The following ICOS variants were observed in gnomAD, a reference collection of about 807,000 sequenced individuals.
The protein encoded by ICOS is inducible T cell costimulator, also known as inducible T-cell costimulator.
ICOS carries 15 observed loss-of-function variants against 24.6 expected under a neutral mutation model. The ratio of observed to expected loss-of-function variants is 0.61; its 90% CI spans 0.41 to 0.94. The LOEUF is 0.94. Among genes scored for constraint, ICOS ranks in the 40% least tolerant of loss-of-function variants. ICOS has a pLI of 0.00. For synonymous variants in ICOS, 89 were observed against 77.5 expected (o/e 1.15, Z -0.78); for missense variants, 200 against 233.0 (o/e 0.86, Z 0.92).
Position 203,959,733 on chromosome 2 carries a change from T to C in ICOS, c.*134T>C. The C allele has an allele frequency of 1.2e-6, 1 of 832,816 alleles. No homozygotes were observed. Among genetic ancestry groups the C allele is most frequent in the South Asian group, 1.4e-5 (1 of 72,024 alleles). 51.6% of individuals were successfully genotyped at this position (832,816 alleles called of 1,614,324 possible). On this transcript the variant is annotated 3_prime_UTR_variant, in exon 5 of 5. Coordinates refer to ENST00000316386, the MANE Select transcript of ICOS (RefSeq NM_012092.4). ...CATCTTCTGCTGGTGTTTTGTTCAATCTGGAAGAATGACTGTATCAGTCAA... is the reference window on the plus strand; with the variant it reads ...CATCTTCTGCTGGTGTTTTGTTCAACCTGGAAGAATGACTGTATCAGTCAA...
At chr2:203,940,853 G>A (rs1196109263) in intron 1 of ICOS, among the ~76,000 whole-genome samples, 2 of 151,800 alleles carry the variant, frequency 1.3e-5, no homozygotes, top group African/African-American at 4.8e-5. Context: ...GCGCAATCTC[G>A]GCTTACTGCA....
At chr2:203,948,752 G>T (rs1274064138) in intron 1 of ICOS, among the ~76,000 whole-genome samples, 3 of 152,212 alleles carry the variant, frequency 2.0e-5, no homozygotes, top group Non-Finnish European at 4.4e-5. Context: ...TGGGTGGCCA[G>T]TGGTCACTGA....
intron 1 of ICOS, among the ~76,000 whole-genome samples, chr2:203,938,298 C>G (rs1249179511): frequency 1.3e-5 from 2 of 152,116 alleles, no homozygotes; most frequent in Non-Finnish European, 2.9e-5. Context: ...GACAAGGTAG[C>G]AATCAATGGG....
At chr2:203,945,458 T>C (rs1391318091) in intron 1 of ICOS, among the ~76,000 whole-genome samples, 1 of 152,178 alleles carries the variant, frequency 6.6e-6, no homozygotes, top group Non-Finnish European at 1.5e-5. Flanking sequence ...ACGTGCCACT[T>C]GACGATGGGA....
At chr2:203,943,991 T>A (rs1263529210) in intron 1 of ICOS, among the ~76,000 whole-genome samples, 1 of 152,152 alleles carries the variant, frequency 6.6e-6, no homozygotes, top group Non-Finnish European at 1.5e-5. Flanking sequence ...ACTCTAATCA[T>A]GCCTCCTCTA....
intron 1 of ICOS, among the ~76,000 whole-genome samples, chr2:203,938,673 G>C (rs1689709185): frequency 6.6e-6 from 1 of 152,210 alleles, no homozygotes; most frequent in Non-Finnish European, 1.5e-5. Context: ...TTATGCTCAG[G>C]AGAATTAAAG....
chr2:203,954,837 AATATAC>A (rs745791997), intron 1 of ICOS, among the ~76,000 whole-genome samples: 328 of 149,572 alleles, frequency 2.2e-3, no homozygotes, highest in Admixed American at 6.8e-3. Context: ...TATATATTGT[AATATAC>A]ATATACATAT....
intron 1 of ICOS, among the ~76,000 whole-genome samples, chr2:203,945,866 A>C (rs527408188): frequency 6.6e-6 from 1 of 152,310 alleles, no homozygotes; most frequent in South Asian, 2.1e-4. Flanking sequence ...ATTTGGAAAC[A>C]AGGAACTAGA....
rs544960660 is a variant in ICOS at position 203,956,392 on chromosome 2, A to G, written c.395-267A>G. Among the ~76,000 whole-genome samples the G allele has an allele frequency of 3.9e-5, 6 of 152,256 alleles. No individual in the cohort carries two copies. The East Asian group carries it at 1.2e-3, about 29-fold the overall frequency. The stretch of plus-strand genomic sequence containing the variant: ...ATAGTTTTATAACATTACTTTTACT[A>G]TTACCTCTTTTATAAAAATATAGGC... On this transcript the variant is annotated intron_variant, in intron 2 of 4. Coordinates refer to ENST00000316386, the MANE Select transcript of ICOS (RefSeq NM_012092.4).
chr2:203,941,031 A>ACCTCCGCCTCCG (rs776792495), intron 1 of ICOS, among the ~76,000 whole-genome samples: 2,663 of 151,780 alleles, frequency 0.018, 38 homozygotes, highest in Non-Finnish European at 0.026. Flanking sequence ...TGATCCGCCC[A>ACCTCCGCCTCCG]CCTCCGCCTC....
At chr2:203,947,702 T>C (rs1377684707) in intron 1 of ICOS, among the ~76,000 whole-genome samples, 1 of 152,166 alleles carries the variant, frequency 6.6e-6, no homozygotes, top group Non-Finnish European at 1.5e-5. Flanking sequence ...GAAGAAAATA[T>C]AGTACCTGTT....
chr2:203,949,568 A>T (rs11675106), intron 1 of ICOS, among the ~76,000 whole-genome samples: 2,249 of 152,348 alleles, frequency 0.015, 21 homozygotes, highest in Non-Finnish European at 0.022. Context: ...TGCCTGAAAC[A>T]TGAAGTGTTG....
chr2:203,947,506 A>C (rs1166467171), intron 1 of ICOS, among the ~76,000 whole-genome samples: 1 of 151,990 alleles, frequency 6.6e-6, no homozygotes, highest in African/African-American at 2.4e-5. Flanking sequence ...ACGGAGTTTC[A>C]CCATGTTGGC....
At chr2:203,942,255 C>T (rs146807394) in intron 1 of ICOS, among the ~76,000 whole-genome samples, 7 of 152,320 alleles carry the variant, frequency 4.6e-5, no homozygotes, top group African/African-American at 1.7e-4. Flanking sequence ...AACAAGCTGT[C>T]TACTGCACTC....
chr2:203,959,505 G>A (rs1559036875), intron 4 of ICOS, 81 bp from the exon 5 acceptor site: 1 of 1,125,254 alleles, frequency 8.9e-7, no homozygotes, highest in Non-Finnish European at 1.4e-6. Context: ...TGTATGAAAG[G>A]CAATGGAGAG....
intron 1 of ICOS, among the ~76,000 whole-genome samples, chr2:203,953,998 A>AT (rs1690029945): frequency 6.6e-6 from 1 of 152,164 alleles, no homozygotes; most frequent in Non-Finnish European, 1.5e-5. Flanking sequence ...TTTCCTTAAA[A>AT]TTTTTTTACA....
In ICOS at chr2:203,957,791, T is replaced by C. The variant is rs1165095217; in HGVS notation, c.502-8T>C. 6.2e-7 allele frequency: 1 copy of C among 1,607,104 alleles called. No individual in the cohort carries two copies. Among genetic ancestry groups the C allele is most frequent in the Admixed American group, 1.7e-5 (1 of 59,994 alleles). ...ATGACCAAGCATGTTTCTGGCTTTT[T>C]CTTTCAGAAGTATTCATCCAGTGTG... On this transcript the variant is annotated splice_region_variant and splice_polypyrimidine_tract_variant and intron_variant, in intron 3 of 4. Transcript: ENST00000316386.
chr2:203,955,168 A>G (rs147511572), intron 1 of ICOS, among the ~76,000 whole-genome samples: 2 of 152,080 alleles, frequency 1.3e-5, no homozygotes, highest in East Asian at 1.9e-4. Context: ...TTTAATTCCA[A>G]TTTTAAAACT....
At chr2:203,938,999 C>G (rs1477159310) in intron 1 of ICOS, among the ~76,000 whole-genome samples, 3 of 152,198 alleles carry the variant, frequency 2.0e-5, no homozygotes, top group South Asian at 2.1e-4. Context: ...AAGAGCCAAA[C>G]TCAAGTAAAC....
Sources: allele counts gnomAD v4.1 joint callset (sites outside exome capture counted in the v4.1 genomes callset), GRCh38; gene constraint gnomAD v4.1.1; transcripts MANE v1.5; gene names NCBI Gene and HGNC (gene_info 2026-07-23, HGNC 2026-07-21).